The following MTSS1 variants were observed in gnomAD, a reference collection of about 807,000 sequenced individuals.
MTSS1 encodes the protein protein MTSS 1.
MTSS1 carries 18 observed loss-of-function variants against 79.0 expected under a neutral mutation model. The ratio of observed to expected loss-of-function variants is 0.23; its 90% CI spans 0.16 to 0.34. The LOEUF is 0.34. Ranked by LOEUF, MTSS1 falls within the 10% of genes least tolerant of loss-of-function variation. The pLI, the probability that MTSS1 is intolerant of heterozygous loss-of-function variation, is 1.00. For synonymous variants in MTSS1, 341 were observed against 368.6 expected (o/e 0.93, Z 0.86); for missense variants, 815 against 986.2 (o/e 0.83, Z 2.33).
intron 3 of MTSS1, among the ~76,000 whole-genome samples, chr8:124,652,986 C>T (rs1820280156): frequency 6.6e-6 from 1 of 152,186 alleles, no homozygotes; most frequent in Non-Finnish European, 1.5e-5. Context: ...GAATTCTCTG[C>T]CTCACCTGCA....
intron 3 of MTSS1, among the ~76,000 whole-genome samples, chr8:124,614,220 T>C (rs540067035): frequency 7.1e-4 from 102 of 144,416 alleles, no homozygotes; most frequent in African/African-American, 2.5e-3. Flanking sequence ...AGCAAAGACA[T>C]GGGTCCCGCC....
intron 3 of MTSS1, among the ~76,000 whole-genome samples, chr8:124,612,573 A>AGTGTGT (rs1563858363): frequency 5.8e-5 from 7 of 119,748 alleles, no homozygotes; most frequent in African/African-American, 1.9e-4. Context: ...CCAAGTTTAA[A>AGTGTGT]ATGTGTGTGT....
intron 1 of MTSS1, among the ~76,000 whole-genome samples, chr8:124,726,207 C>G (rs775151000): frequency 1.4e-4 from 21 of 152,200 alleles, no homozygotes; most frequent in Non-Finnish European, 2.6e-4. Context: ...CACAGGATGG[C>G]AGGTGGAAAG....
chr8:124,588,855 C>A (rs550289451), intron 5 of MTSS1, among the ~76,000 whole-genome samples: 2 of 152,146 alleles, frequency 1.3e-5, no homozygotes, highest in South Asian at 4.2e-4. Context: ...GTTGGGATTA[C>A]AGGCATGCAC....
At chr8:124,678,894 G>C (rs1042733764) in intron 3 of MTSS1, among the ~76,000 whole-genome samples, 1 of 152,212 alleles carries the variant, frequency 6.6e-6, no homozygotes, top group Non-Finnish European at 1.5e-5. Context: ...AAACACACAG[G>C]CATGCCTAAC....
At chr8:124,587,580 C>A (rs984536889) in intron 5 of MTSS1, among the ~76,000 whole-genome samples, 2 of 152,230 alleles carry the variant, frequency 1.3e-5, no homozygotes, top group African/African-American at 4.8e-5. Context: ...CTCACCGCAG[C>A]CTCCGCCTCC....
chr8:124,717,566 C>T (rs1427397979), intron 1 of MTSS1, among the ~76,000 whole-genome samples: 2 of 150,418 alleles, frequency 1.3e-5, no homozygotes, highest in South Asian at 2.1e-4. Flanking sequence ...CTGCACACTC[C>T]GGCCTGGGGG....
At chr8:124,653,460 A>C (rs1820369690) in intron 3 of MTSS1, among the ~76,000 whole-genome samples, 2 of 152,234 alleles carry the variant, frequency 1.3e-5, no homozygotes, top group Admixed American at 1.3e-4. Flanking sequence ...ATGGTGGCTC[A>C]CACCTGTAAT....
intron 3 of MTSS1, among the ~76,000 whole-genome samples, chr8:124,622,718 G>A (rs1252307301): frequency 1.3e-5 from 2 of 151,504 alleles, no homozygotes; most frequent in Admixed American, 6.6e-5. Context: ...GCTTGAGCCC[G>A]GGTGGTGGAG....
chr8:124,692,583 C>A (rs979922815), intron 3 of MTSS1, among the ~76,000 whole-genome samples: 2 of 152,158 alleles, frequency 1.3e-5, no homozygotes, highest in Admixed American at 1.3e-4. Flanking sequence ...CAACCCAGCA[C>A]CTTCTCCCCT....
chr8:124,602,207 A>ATATATAT, intron 3 of MTSS1, among the ~76,000 whole-genome samples: 1 of 142,216 alleles, frequency 7.0e-6, no homozygotes, highest in African/African-American at 2.7e-5. Context: ...ATATATATAT[A>ATATATAT]ATTTTTTTTT....
chr8:124,630,666 A>G (rs1349243759), intron 3 of MTSS1, among the ~76,000 whole-genome samples: 1 of 152,244 alleles, frequency 6.6e-6, no homozygotes, highest in African/African-American at 2.4e-5. Context: ...TATGTGACCT[A>G]CAATGAGCTA....
chr8:124,668,744 A>C (rs956505372), intron 3 of MTSS1, among the ~76,000 whole-genome samples: 2 of 152,220 alleles, frequency 1.3e-5, no homozygotes, highest in Non-Finnish European at 2.9e-5. Flanking sequence ...ACCTATACCC[A>C]GAACCCAAAC....
At chr8:124,577,525 C>T (rs368535059) in intron 6 of MTSS1, 1 of 514,352 alleles carries the variant, frequency 1.9e-6, no homozygotes, top group East Asian at 5.5e-5. Flanking sequence ...GCATGAGCCA[C>T]TGTGCCCGGC....
intron 1 of MTSS1, among the ~76,000 whole-genome samples, chr8:124,720,634 G>A (rs1021954615): frequency 2.6e-5 from 4 of 152,136 alleles, no homozygotes; most frequent in Admixed American, 6.5e-5. Flanking sequence ...ACTCAGGGGC[G>A]ATTTACTTAG....
intron 3 of MTSS1, among the ~76,000 whole-genome samples, chr8:124,647,455 A>G (rs1819199227): frequency 6.6e-6 from 1 of 152,240 alleles, no homozygotes; most frequent in African/African-American, 2.4e-5. Flanking sequence ...TAGTGAGAGC[A>G]TTTAAGATCT....
chr8:124,566,328 C>G (rs1463337245), intron 8 of MTSS1: 1 of 152,692 alleles, frequency 6.5e-6, no homozygotes, highest in Non-Finnish European at 1.5e-5. Flanking sequence ...ACATAAGAAG[C>G]ACTCAGTAAA....
intron 7 of MTSS1, chr8:124,567,916 T>C (rs577285180): frequency 4.2e-5 from 60 of 1,416,738 alleles, no homozygotes; most frequent in Non-Finnish European, 1.2e-5. Context: ...TCTAAATTGA[T>C]TCATTGAGGC....
Position 124,727,257 on chromosome 8 carries a change from A to C in MTSS1, c.72+627T>G, listed in dbSNP as rs1202464745. On this transcript the variant is annotated intron_variant, in intron 1 of 13. Transcript: ENST00000518547. This position sits in a 1 kb window ranked among gnomAD's most constrained non-coding sequence, Gnocchi z 4.7. Reference sequence around the variant, plus strand: ...AGCTGGGAGAAGGCGGGGCCCCTGCAAGGCTGCCCGGGAACTTCGGCCCCG... The same window carrying C: ...AGCTGGGAGAAGGCGGGGCCCCTGCCAGGCTGCCCGGGAACTTCGGCCCCG... Among the ~76,000 whole-genome samples, 3 of 152,202 alleles carry C rather than the reference A, an allele frequency of 2.0e-5. No homozygotes were observed. In the South Asian group the frequency reaches 6.2e-4, roughly 31 times the overall value.
Sources: gnomAD v4.1 joint callset for allele counts (sites outside exome capture counted in the v4.1 genomes callset) on GRCh38, gnomAD v4.1.1 for gene constraint, Gnocchi (gnomAD v3.1) non-coding constraint, MANE v1.5 for transcripts, NCBI Gene and HGNC (gene_info 2026-07-23, HGNC 2026-07-21) for gene names.